ZNF268: variants seen among roughly 807,000 people sequenced by gnomAD.
ZNF268 encodes zinc finger protein 268.
Under a neutral mutation model 29.3 loss-of-function variants are expected in ZNF268, and 20 were observed. The observed-to-expected ratio is 0.68, with a 90% CI of 0.48 to 0.99. The LOEUF (loss-of-function observed/expected upper bound fraction) is 0.99. Ranked by LOEUF, ZNF268 falls within the 50% of genes least tolerant of loss-of-function variation. ZNF268 has a pLI of 0.00. For missense variants in ZNF268, 1,240 were observed against 1,121.6 expected (o/e 1.11, Z -1.51); for synonymous variants, 429 against 376.9 (o/e 1.14, Z -1.60).
At position 133,196,129 on chromosome 12, in the gene ZNF268, C is replaced by A. The variant is rs149058459; in HGVS notation, c.457+4126C>A. ...ACGAGGTCAAGAGATCAAGACTATC[C>A]TGGCCAACATGGTGAAACCCCATCT... On this transcript the variant is annotated intron_variant, in intron 5 of 5. Coordinates refer to ENST00000536435, the MANE Select transcript of ZNF268 (RefSeq NM_003415.3). Among the ~76,000 whole-genome samples the A allele has an allele frequency of 5.2e-3, 789 of 150,876 alleles. 6 individuals carry two copies. Among genetic ancestry groups the A allele is most frequent in the African/African-American group, 0.018 (734 of 41,210 alleles).
Position 133,211,413 on chromosome 12 carries a change from C to G in ZNF268, c.*6883C>G. 4.5e-6 allele frequency: 1 copy of G among 221,506 alleles called. No individual in the cohort carries two copies. Among genetic ancestry groups the G allele is most frequent in the Non-Finnish European group, 9.2e-6 (1 of 108,284 alleles). 13.7% of individuals were successfully genotyped at this position (221,506 alleles called of 1,614,324 possible). A position where few individuals can be genotyped will look rare whatever the true frequency, so the allele number is the denominator to read the frequency against. On this transcript the variant is annotated 3_prime_UTR_variant, in exon 6 of 6. Transcript: ENST00000536435. ...CCTGACCAACATGGAGAAACCCTGT[C>G]TCTACTAAAAATACAAAATTAGCCA...
chr12:133,208,261 C>A lies in ZNF268; in HGVS notation c.*3731C>A, dbSNP rs539123337. 6.6e-6 allele frequency: 1 copy of A among 152,002 alleles called. No individual in the cohort carries two copies. Among genetic ancestry groups the A allele is most frequent in the Non-Finnish European group, 1.5e-5 (1 of 68,064 alleles). 9.4% of individuals were successfully genotyped at this position (152,002 alleles called of 1,614,324 possible). The stretch of plus-strand genomic sequence containing the variant: ...CTGTAATCCCAGCACTTTGGGAGGC[C>A]GAGGTGGGCAGATCACTTGAGGTCA... On this transcript the variant is annotated 3_prime_UTR_variant, in exon 6 of 6. Transcript: ENST00000536435.
Position 133,205,175 on chromosome 12 carries a change from C to CAAAAAAAAAAA in ZNF268, c.*647_*648insAAAAAAAAAAA, listed in dbSNP as rs1343948566. The CAAAAAAAAAAA allele has an allele frequency of 2.3e-4, 5 of 21,802 alleles. No individual in the cohort carries two copies. Among genetic ancestry groups the CAAAAAAAAAAA allele is most frequent in the African/African-American group, 2.8e-4 (3 of 10,690 alleles). 1.4% of individuals were successfully genotyped at this position (21,802 alleles called of 1,614,324 possible). A position where few individuals can be genotyped will look rare whatever the true frequency, so the allele number is the denominator to read the frequency against. ...AAAAAAAAAAAAAAAAAAAAAAAAC[C>CAAAAAAAAAAA]AACCTGTTATTATATCTTAATATTA... is the stretch of plus-strand genomic sequence containing the variant. On this transcript the variant is annotated 3_prime_UTR_variant, in exon 6 of 6. Transcript: ENST00000536435.
Position 133,203,022 on chromosome 12 carries a change from T to G in ZNF268, c.1336T>G (p.Cys446Gly). ...CCATACAGGGGAGAAACCTTATGTT[T>G]GTAGTGATTGTGGAAAAGCCTTTAC... is the stretch of plus-strand genomic sequence containing the variant. Reference protein sequence around the residue: ...RTHTGEKPYVCSDCGKAFTFK... With the variant: ...RTHTGEKPYVGSDCGKAFTFK... Residue 446 changes from cysteine to glycine, a missense_variant, in exon 6 of 6, where the codon TGT becomes GGT. This residue lies in a region of ZNF268 where 1,177 missense variants were observed against 1,039.6 expected (regional missense o/e 1.13). Coordinates refer to ENST00000536435, the MANE Select transcript of ZNF268 (RefSeq NM_003415.3). 6.5e-7 allele frequency: 1 copy of G among 1,544,848 alleles called. No homozygotes were observed. The highest frequency in any genetic ancestry group is 8.7e-7 in the Non-Finnish European group (1 of 1,150,684).
intron 5 of ZNF268, among the ~76,000 whole-genome samples, chr12:133,201,317 G>C (rs994398284): frequency 6.6e-6 from 1 of 151,780 alleles, no homozygotes; most frequent in Non-Finnish European, 1.5e-5. Flanking sequence ...TTTAAGGCCT[G>C]CTGTGCAATT....
chr12:133,190,632 T>TA (rs1956444313), intron 3 of ZNF268, among the ~76,000 whole-genome samples: 1 of 152,242 alleles, frequency 6.6e-6, no homozygotes. Flanking sequence ...GGCTGCTACT[T>TA]ACAGCAGTTA....
At chr12:133,197,552 C>T (rs920105393) in intron 5 of ZNF268, among the ~76,000 whole-genome samples, 1 of 152,028 alleles carries the variant, frequency 6.6e-6, no homozygotes, top group African/African-American at 2.4e-5. Context: ...GGTATATACC[C>T]AGTAATGGGA....
intron 5 of ZNF268, among the ~76,000 whole-genome samples, chr12:133,192,317 A>G (rs1956496636): frequency 6.6e-6 from 1 of 151,900 alleles, no homozygotes; most frequent in African/African-American, 2.4e-5. Context: ...CGTGTTGGCC[A>G]GTCTAGTCTC....
Position 133,202,619 on chromosome 12 carries a change from A to G in ZNF268, c.933A>G (p.Lys311=), listed in dbSNP as rs1956781601. 5 of 1,604,654 alleles carry G rather than the reference A, an allele frequency of 3.1e-6. No homozygotes were observed. The highest frequency in any genetic ancestry group is 3.4e-6 in the Non-Finnish European group (4 of 1,175,040). The change falls in exon 6 of 6, where the codon AAA becomes AAG. Residue 311 remains lysine, a synonymous_variant. Transcript: ENST00000536435. The part of the protein sequence containing the change: ...EKPYGCNECG[K]DFSSKSYLIV... ...CCTATGGTTGTAATGAATGTGGGAA[A>G]GACTTCAGTAGTAAATCATACCTCA...
intron 2 of ZNF268, among the ~76,000 whole-genome samples, chr12:133,185,666 T>A (rs1008129492): frequency 1.3e-5 from 2 of 151,872 alleles, no homozygotes; most frequent in Non-Finnish European, 1.5e-5. Context: ...CGTGAGCTGC[T>A]TAGGGTTTCC....
chr12:133,185,196 A>AC (rs1336575493), intron 2 of ZNF268, among the ~76,000 whole-genome samples: 1 of 151,692 alleles, frequency 6.6e-6, no homozygotes, highest in African/African-American at 2.4e-5. Flanking sequence ...AAAAAAAAAA[A>AC]AAAACAAAGA....
Position 133,210,354 on chromosome 12 carries a change from C to T in ZNF268, c.*5824C>T, listed in dbSNP as rs36183161. ...GTCCTCACTGTGGTTGCATCCCCCA[C>T]CACGGGTCAGTCCTGAGGAGGATAC... On this transcript the variant is annotated 3_prime_UTR_variant, in exon 6 of 6. Transcript: ENST00000536435. The T allele has an allele frequency of 0.031, 4,997 of 160,568 alleles. 118 individuals carry two copies. The highest frequency in any genetic ancestry group is 0.042 in the Non-Finnish European group (3,046 of 72,316). The allele number at this position is 160,568 out of a possible 1,614,324, so 9.9% of individuals were successfully genotyped here.
rs775260786 is a variant in ZNF268, at chr12:133,207,660, TAGC to T, written c.*3133_*3135del. ...CCTCTCTACTAAAAATACAAAAAAATAGCAGGGCATGGTAACTGACACCTATAA... is the reference window on the plus strand; with the variant it reads ...CCTCTCTACTAAAAATACAAAAAAATAGGGCATGGTAACTGACACCTATAA... On this transcript the variant is annotated 3_prime_UTR_variant, in exon 6 of 6. Coordinates refer to ENST00000536435, the MANE Select transcript of ZNF268 (RefSeq NM_003415.3). 2 of 151,672 alleles carry T rather than the reference TAGC, an allele frequency of 1.3e-5. No individual in the cohort carries two copies. The highest frequency in any genetic ancestry group is 2.4e-5 in the African/African-American group (1 of 41,278). 9.4% of individuals were successfully genotyped at this position (151,672 alleles called of 1,614,324 possible). A position where few individuals can be genotyped will look rare whatever the true frequency, so the allele number is the denominator to read the frequency against.
rs1593931235 is a variant in ZNF268 at position 133,204,149 on chromosome 12, A to AGG, written c.2463_2464insGG (p.Leu822GlyfsTer123). ...GTGGGAAAGCCTTCATTTGGAAATC[A>AGG]CTACTCATTGTACATGAGCGAACTC... On this transcript the variant is annotated frameshift_variant, in exon 6 of 6. Transcript: ENST00000536435. LOFTEE classifies it low-confidence loss of function (END_TRUNC). 2 of 1,542,738 alleles carry AGG rather than the reference A, an allele frequency of 1.3e-6. No individual in the cohort carries two copies. Among genetic ancestry groups the AGG allele is most frequent in the East Asian group, 4.9e-5 (2 of 40,934 alleles).
rs1196945167 is a variant in ZNF268 at position 133,203,588 on chromosome 12, T to A, written c.1902T>A (p.His634Gln). 1.3e-6 allele frequency: 2 copies of A among 1,569,408 alleles called. No homozygotes were observed. Among genetic ancestry groups the A allele is most frequent in the Non-Finnish European group, 8.6e-7 (1 of 1,160,732 alleles). ...KSNLIVHQRT[H>Q]TGEKPYSCNE... ...ACCTGATTGTACATCAGAGAACTCA[T>A]ACAGGAGAGAAACCCTATAGTTGTA... The change falls in exon 6 of 6, where the codon CAT (histidine) becomes CAA (glutamine). Residue 634 changes from histidine to glutamine, a missense_variant. Coordinates refer to ENST00000536435, the MANE Select transcript of ZNF268 (RefSeq NM_003415.3).
rs944829792 is a variant in ZNF268, at chr12:133,207,919, A to C, written c.*3389A>C. The C allele has an allele frequency of 6.6e-6, 1 of 152,212 alleles. No individual in the cohort carries two copies. Among genetic ancestry groups the C allele is most frequent in the African/African-American group, 2.4e-5 (1 of 41,436 alleles). The allele number at this position is 152,212 out of a possible 1,614,324, so 9.4% of individuals were successfully genotyped here. A position where few individuals can be genotyped will look rare whatever the true frequency, so the allele number is the denominator to read the frequency against. On this transcript the variant is annotated 3_prime_UTR_variant, in exon 6 of 6. Transcript: ENST00000536435. ...TATATGCTGATAAATCACTTGATGG[A>C]ATTTAACACCCATAGATGACACTAA...
At chr12:133,183,600 C>G (rs1358464959) in intron 2 of ZNF268, among the ~76,000 whole-genome samples, 2 of 151,836 alleles carry the variant, frequency 1.3e-5, no homozygotes, top group Non-Finnish European at 2.9e-5. Flanking sequence ...GGGATGACAA[C>G]TGGAGTTCTA....
chr12:133,191,413 A>G (rs1593890776), intron 3 of ZNF268, 76 bp from the exon 4 acceptor site: 2 of 1,564,056 alleles, frequency 1.3e-6, no homozygotes, highest in Non-Finnish European at 1.8e-6. Flanking sequence ...AACATAAATA[A>G]TGGACACCCT....
rs1317739741 is a variant in ZNF268 at position 133,204,579 on chromosome 12, C to CAT, written c.*55_*56dup. On this transcript the variant is annotated 3_prime_UTR_variant, in exon 6 of 6. Coordinates refer to ENST00000536435, the MANE Select transcript of ZNF268 (RefSeq NM_003415.3). Reference sequence around the variant, plus strand: ...TGGATTCACAAGAGATAGAAACAATCATATATAAAGAGAAACTCTGTAAGT... The same window carrying CAT: ...TGGATTCACAAGAGATAGAAACAATCATATATATAAAGAGAAACTCTGTAAGT... 2 of 1,330,592 alleles carry CAT rather than the reference C, an allele frequency of 1.5e-6. No individual in the cohort carries two copies. Among genetic ancestry groups the CAT allele is most frequent in the African/African-American group, 3.0e-5 (2 of 67,688 alleles). 82.4% of individuals were successfully genotyped at this position (1,330,592 alleles called of 1,614,324 possible). A position where few individuals can be genotyped will look rare whatever the true frequency, so the allele number is the denominator to read the frequency against.
Sources: allele counts gnomAD v4.1 joint callset (sites outside exome capture counted in the v4.1 genomes callset), GRCh38; gene constraint gnomAD v4.1.1; regional missense constraint gnomAD v4.1.1; transcripts MANE v1.5; gene names NCBI Gene and HGNC (gene_info 2026-07-23, HGNC 2026-07-21).